The following SAMD11 variants were observed in gnomAD, a reference collection of about 807,000 sequenced individuals.
SAMD11 encodes sterile alpha motif domain containing 11, also known as sterile alpha motif domain-containing protein 11.
A neutral mutation model predicts 64.4 loss-of-function variants in SAMD11; 77 were observed. The ratio of observed to expected loss-of-function variants is 1.20; its 90% confidence interval spans 0.99 to 1.44. The LOEUF (loss-of-function observed/expected upper bound fraction) is 1.44, where lower values mean the gene tolerates loss of function less well. Ranked by LOEUF, SAMD11 falls within the 40% of genes most tolerant of loss-of-function variation. The pLI, the probability that SAMD11 is intolerant of heterozygous loss-of-function variation, is 0.00. For synonymous variants in SAMD11, 658 were observed against 421.9 expected, an observed-to-expected ratio of 1.56 and a Z score of -6.86; for missense variants, 1,402 against 943.3, an observed-to-expected ratio of 1.49 and a Z score of -6.37.
At position 944,455 on chromosome 1, in the gene SAMD11, C is replaced by A. The variant is rs1359575358; in HGVS notation, c.*302C>A. 6 of 848,242 alleles carry A rather than the reference C, an allele frequency of 7.1e-6. No individual in the cohort carries two copies. The South Asian group carries it at 1.1e-4, about 15-fold the overall frequency. 52.5% of individuals were successfully genotyped at this position (848,242 alleles called of 1,614,324 possible). On this transcript the variant is annotated 3_prime_UTR_variant, in exon 14 of 14. Coordinates refer to ENST00000616016, the MANE Select transcript of SAMD11 (RefSeq NM_001385641.1). Reference sequence around the variant, plus strand: ...GGTCTGCTGACGTCAGGGTCAGCTCCCCCGCGGAGCTGACTTCAGCAGCCC... The same window carrying A: ...GGTCTGCTGACGTCAGGGTCAGCTCACCCGCGGAGCTGACTTCAGCAGCCC...
At chr1:929,829 C>G (rs899996298) in intron 2 of SAMD11, among the ~76,000 whole-genome samples, 2 of 152,160 alleles carry the variant, frequency 1.3e-5, no homozygotes, top group African/African-American at 4.8e-5. Flanking sequence ...GCTGGGCCAA[C>G]CAGGCTGGCG....
rs1641670406 is a variant in SAMD11 at position 940,195 on chromosome 1, T to C, written c.1195+783T>C. On this transcript the variant is annotated intron_variant, in intron 7 of 13. Coordinates refer to ENST00000616016, the MANE Select transcript of SAMD11 (RefSeq NM_001385641.1). ...ATGTTAATAATGTAAAAATCCTCCT[T>C]TTTAATTGCTTTCCCTGCTCTGCCT... Among the ~76,000 whole-genome samples the C allele has an allele frequency of 2.0e-5, 3 of 152,076 alleles. No individual in the cohort carries two copies. In the East Asian group the frequency reaches 5.8e-4, roughly 30 times the overall value.
Position 935,755 on chromosome 1 carries a change from C to T in SAMD11, c.843-17C>T, listed in dbSNP as rs376865709. ...CAGCTGCCCACGGGGTCAGCTTTTC[C>T]CGGTCTCGTTCTGCAGCCAGGACGG... is the stretch of plus-strand genomic sequence containing the variant. On this transcript the variant is annotated splice_polypyrimidine_tract_variant and intron_variant, in intron 4 of 13. Transcript: ENST00000616016. 1.2e-6 allele frequency: 2 copies of T among 1,612,928 alleles called. No homozygotes were observed. Among genetic ancestry groups the T allele is most frequent in the African/African-American group, 2.7e-5 (2 of 74,928 alleles).
intron 2 of SAMD11, among the ~76,000 whole-genome samples, chr1:927,286 C>T (rs1362226219): frequency 6.6e-6 from 1 of 152,200 alleles, no homozygotes; most frequent in Non-Finnish European, 1.5e-5. Context: ...CTCTGGGCAG[C>T]CCGCTGCCTA....
chr1:944,411 T>C lies in SAMD11; in HGVS notation c.*258T>C. The C allele has an allele frequency of 8.8e-7, 1 of 1,140,706 alleles. No individual in the cohort carries two copies. The highest frequency in any genetic ancestry group is 1.1e-6 in the Non-Finnish European group (1 of 885,732). The allele number at this position is 1,140,706 out of a possible 1,614,324, so 70.7% of individuals were successfully genotyped here. On this transcript the variant is annotated 3_prime_UTR_variant, in exon 14 of 14. Coordinates refer to ENST00000616016, the MANE Select transcript of SAMD11 (RefSeq NM_001385641.1). The stretch of plus-strand genomic sequence containing the variant: ...GGCCAGGGGCCTGCAGGCCTCCCCC[T>C]GGAACTGGGACTGGTCTCGGTCTGC...
intron 3 of SAMD11, 124 bp from the exon 4 acceptor site, chr1:930,915 C>A: frequency 1.1e-6 from 1 of 932,602 alleles, no homozygotes; most frequent in Non-Finnish European, 1.7e-6. Context: ...CGCCCTCGTT[C>A]ACTGCCCAGG....
At position 941,207 on chromosome 1, in the gene SAMD11, C is replaced by A. The variant is rs780082868; in HGVS notation, c.1259C>A (p.Ala420Asp). Residue 420 changes from alanine to aspartate, a missense_variant, in exon 8 of 14, where the codon GCC becomes GAC. Coordinates refer to ENST00000616016, the MANE Select transcript of SAMD11 (RefSeq NM_001385641.1). ...CTGAGGGGCCCCAGTGGCCTGGAAGCCCACCTGCCCTCCTCCACGGCAGGT... is the reference window on the plus strand; with the variant it reads ...CTGAGGGGCCCCAGTGGCCTGGAAGACCACCTGCCCTCCTCCACGGCAGGT... ...AALRGPSGLE[A>D]HLPSSTAGQR... The A allele has an allele frequency of 7.5e-6, 12 of 1,601,030 alleles. No homozygotes were observed. The highest frequency in any genetic ancestry group is 6.8e-6 in the Non-Finnish European group (8 of 1,174,680).
chr1:931,869 A>T lies in SAMD11; in HGVS notation c.842+780A>T, dbSNP rs547823526. 3.3e-5 allele frequency among the ~76,000 whole-genome samples: 5 copies of T among 152,320 alleles called. No homozygotes were observed. In the South Asian group the frequency reaches 1.0e-3, roughly 32 times the overall value. Reference sequence around the variant, plus strand: ...ACCCGAGTTCCTGGCTCCAGGGGGAAGCGAGTGGTAAGTCTGTGAACAGAG... The same window carrying T: ...ACCCGAGTTCCTGGCTCCAGGGGGATGCGAGTGGTAAGTCTGTGAACAGAG... On this transcript the variant is annotated intron_variant, in intron 4 of 13. Coordinates refer to ENST00000616016, the MANE Select transcript of SAMD11 (RefSeq NM_001385641.1).
chr1:943,859 A>C, intron 13 of SAMD11, 49 bp from the exon 14 acceptor site: 1 of 1,612,964 alleles, frequency 6.2e-7, no homozygotes, highest in Middle Eastern at 1.7e-4. Flanking sequence ...GCTGGGCAGA[A>C]AGCTCTGGGT....
intron 4 of SAMD11, among the ~76,000 whole-genome samples, chr1:931,453 G>T (rs1052287753): frequency 6.6e-6 from 1 of 152,188 alleles, no homozygotes; most frequent in African/African-American, 2.4e-5. Context: ...CCCTCCTAGA[G>T]ACCCACAAGG....
Position 924,688 on chromosome 1 carries a change from C to T in SAMD11, c.257C>T (p.Pro86Leu), listed in dbSNP as rs1640796635. 6.6e-6 allele frequency: 1 copy of T among 152,216 alleles called. No homozygotes were observed. The highest frequency in any genetic ancestry group is 1.5e-5 in the Non-Finnish European group (1 of 68,072). The allele number at this position is 152,216 out of a possible 1,614,324, so 9.4% of individuals were successfully genotyped here. The stretch of plus-strand genomic sequence containing the variant: ...GAGGCCGCCCCGCACCTCCACCTGC[C>T]CAGGGACCCGCTGGCCCTCGAGCGC... ...LHEAAPHLHLPRDPLALERFS... is the reference protein window; with the variant it reads ...LHEAAPHLHLLRDPLALERFS... The change falls in exon 1 of 14, where the codon CCC becomes CTC. Residue 86 changes from proline to leucine, a missense_variant. By Grantham distance (98) the Pro-to-Leu change is moderately conservative. Coordinates refer to ENST00000616016, the MANE Select transcript of SAMD11 (RefSeq NM_001385641.1).
chr1:943,722 G>A lies in SAMD11; in HGVS notation c.2203G>A (p.Gly735Arg), dbSNP rs370249951. Reference protein sequence around the residue: ...TRVFREQGIDGETLPLLTEEH... With the variant: ...TRVFREQGIDRETLPLLTEEH... ...GGTCTTCAGGGAGCAGGGGATCGAC[G>A]GGGAGACCCTGCCACTGCTGACGGA... The change falls in exon 13 of 14, where the codon GGG (glycine) becomes AGG (arginine). Residue 735 changes from glycine to arginine, a missense_variant. Physicochemically the swap from Gly to Arg is moderately radical, Grantham distance 125 (BLOSUM62 -2). Coordinates refer to ENST00000616016, the MANE Select transcript of SAMD11 (RefSeq NM_001385641.1). 2.5e-6 allele frequency: 4 copies of A among 1,596,156 alleles called. No individual in the cohort carries two copies. Among genetic ancestry groups the A allele is most frequent in the South Asian group, 2.2e-5 (2 of 89,814 alleles).
Position 942,166 on chromosome 1 carries a change from G to T in SAMD11, c.1389G>T (p.Ser463=). 7.0e-7 allele frequency: 1 copy of T among 1,428,780 alleles called. No homozygotes were observed. Among genetic ancestry groups the T allele is most frequent in the Non-Finnish European group, 9.2e-7 (1 of 1,082,698 alleles). The allele number at this position is 1,428,780 out of a possible 1,614,324, so 88.5% of individuals were successfully genotyped here. Reference sequence around the variant, plus strand: ...TGCCTCAGCCGCCCCCCTTGCTGTCGCCGCAGAATGCCCCTCACGTCGCCC... The same window carrying T: ...TGCCTCAGCCGCCCCCCTTGCTGTCTCCGCAGAATGCCCCTCACGTCGCCC... ...RELPQPPPLL[S]PQNAPHVALG... Residue 463 remains serine (S), a synonymous_variant, in exon 9 of 14, where the codon TCG becomes TCT. Coordinates refer to ENST00000616016, the MANE Select transcript of SAMD11 (RefSeq NM_001385641.1).
chr1:944,124 G>T lies in SAMD11; in HGVS notation c.2506G>T (p.Ala836Ser), dbSNP rs999783974. 6.3e-7 allele frequency: 1 copy of T among 1,592,886 alleles called. No individual in the cohort carries two copies. Among genetic ancestry groups the T allele is most frequent in the Admixed American group, 1.7e-5 (1 of 58,112 alleles). ...ENGTLALLPG[A>S]PDPSQPLC Reference sequence around the variant, plus strand: ...TGGGACCTTGGCTCTACTTCCAGGGGCCCCCGACCCTTCCCAGCCTCTGTG... The same window carrying T: ...TGGGACCTTGGCTCTACTTCCAGGGTCCCCCGACCCTTCCCAGCCTCTGTG... Residue 836 changes from alanine (A) to serine (S), a missense_variant, in exon 14 of 14, where the codon GCC becomes TCC. Ala to Ser is a moderately conservative substitution (Grantham distance 99). Coordinates refer to ENST00000616016, the MANE Select transcript of SAMD11 (RefSeq NM_001385641.1).
chr1:928,689 T>C (rs1204245930), intron 2 of SAMD11, among the ~76,000 whole-genome samples: 2 of 152,260 alleles, frequency 1.3e-5, no homozygotes, highest in African/African-American at 2.4e-5. Flanking sequence ...CCAGCAGTGC[T>C]GCGTTTTCCC....
chr1:943,466 C>T (rs984025521), intron 12 of SAMD11, 89 bp downstream of exon 12: 13 of 1,183,166 alleles, frequency 1.1e-5, no homozygotes, highest in African/African-American at 3.1e-5. Flanking sequence ...AGGGCCATTC[C>T]CCAACGCCCT....
intron 6 of SAMD11, 47 bp from the exon 7 acceptor site, chr1:939,228 C>T (rs1202642361): frequency 1.3e-6 from 2 of 1,557,354 alleles, no homozygotes; most frequent in Non-Finnish European, 8.7e-7. Flanking sequence ...GGGCGTGGTC[C>T]TCGGCAGTGC....
In SAMD11 at chr1:942,552, G is replaced by A. The variant is rs773290824; in HGVS notation, c.1554-7G>A. ...AGGCGGCTGACCCGCGTCTGCCCCCGGCCCAGGCTGGAGCTGCCCGCCGAC... is the reference window on the plus strand; with the variant it reads ...AGGCGGCTGACCCGCGTCTGCCCCCAGCCCAGGCTGGAGCTGCCCGCCGAC... On this transcript the variant is annotated splice_polypyrimidine_tract_variant and splice_region_variant and intron_variant, in intron 10 of 13. Coordinates refer to ENST00000616016, the MANE Select transcript of SAMD11 (RefSeq NM_001385641.1). The A allele has an allele frequency of 3.6e-6, 5 of 1,400,568 alleles. No individual in the cohort carries two copies. The highest frequency in any genetic ancestry group is 1.6e-5 in the South Asian group (1 of 64,004). The allele number at this position is 1,400,568 out of a possible 1,614,324, so 86.8% of individuals were successfully genotyped here.
chr1:944,007 A>C lies in SAMD11; in HGVS notation c.2389A>C (p.Thr797Pro), dbSNP rs772197306. 3.1e-6 allele frequency: 5 copies of C among 1,612,772 alleles called. No individual in the cohort carries two copies. Among genetic ancestry groups the C allele is most frequent in the Non-Finnish European group, 4.2e-6 (5 of 1,180,006 alleles). The change falls in exon 14 of 14, where the codon ACA becomes CCA. Residue 797 changes from threonine (T) to proline (P), a missense_variant. Coordinates refer to ENST00000616016, the MANE Select transcript of SAMD11 (RefSeq NM_001385641.1). ...TLRAPERELG[T>P]GEQPLSPTTA... ...GCGGGCCCCGGAGCGAGAACTCGGC[A>C]CAGGAGAGCAGCCCTTGTCCCCCAC...
Sources: allele counts gnomAD v4.1 joint callset (sites outside exome capture counted in the v4.1 genomes callset), GRCh38; gene constraint gnomAD v4.1.1; transcripts MANE v1.5; gene names NCBI Gene and HGNC (gene_info 2026-07-23, HGNC 2026-07-21).